Variants in KCNU1 observed in about 807,000 individuals in gnomAD.
KCNU1 encodes the protein potassium channel subfamily U member 1.
KCNU1 carries 93 observed loss-of-function variants against 126.8 expected under a neutral mutation model. That is an observed-to-expected ratio of 0.73 (90% CI 0.62 to 0.87). KCNU1 has a LOEUF of 0.87. Among genes scored for constraint, KCNU1 ranks in the 40% least tolerant of loss-of-function variants. The probability of loss-of-function intolerance (pLI) is 0.00; values close to 1 mark genes in which losing one functional copy is unlikely to be tolerated. For synonymous variants in KCNU1, 523 were observed against 494.2 expected, an observed-to-expected ratio of 1.06 and a Z score of -0.77; for missense variants, 1,330 against 1,367.1, an observed-to-expected ratio of 0.97 and a Z score of 0.43.
rs566542872 is a variant in KCNU1, at chr8:36,844,639, G to A, written c.1704-941G>A. 1.3e-3 allele frequency among the ~76,000 whole-genome samples: 197 copies of A among 152,324 alleles called. 1 individual carries two copies. Among genetic ancestry groups the A allele is most frequent in the Non-Finnish European group, 1.6e-3 (111 of 68,028 alleles). On this transcript the variant is annotated intron_variant, in intron 16 of 26. Coordinates refer to ENST00000399881, the MANE Select transcript of KCNU1 (RefSeq NM_001031836.3). ...AGGCTGAAGAACTTTGGCTGTGCAA[G>A]CTCATTTATTTTTGTGAGGGTTCTC...
rs1347997226 is a variant in KCNU1 at position 36,845,907 on chromosome 8, C to CACTT, written c.1891+9_1891+12dup. ...GCCGGCAGCACATCACAGGTAATTG[C>CACTT]ACTTTATTTCTGGCTGTCCTTAGCC... On this transcript the variant is annotated intron_variant, in intron 18 of 26. Coordinates refer to ENST00000399881, the MANE Select transcript of KCNU1 (RefSeq NM_001031836.3). 6.5e-7 allele frequency: 1 copy of CACTT among 1,545,808 alleles called. No homozygotes were observed. Among genetic ancestry groups the CACTT allele is most frequent in the African/African-American group, 1.4e-5 (1 of 73,602 alleles).
intron 22 of KCNU1, among the ~76,000 whole-genome samples, chr8:36,913,749 C>A (rs994203840): frequency 2.0e-5 from 3 of 151,886 alleles, no homozygotes; most frequent in African/African-American, 7.3e-5. Context: ...CTACAGGCAC[C>A]CGCCACCATG....
At chr8:36,867,367 C>G (rs1446050716) in intron 19 of KCNU1, among the ~76,000 whole-genome samples, 2 of 152,086 alleles carry the variant, frequency 1.3e-5, no homozygotes, top group Non-Finnish European at 2.9e-5. Flanking sequence ...CAGCAGCTAG[C>G]CAGCCTGACG....
intron 19 of KCNU1, among the ~76,000 whole-genome samples, chr8:36,876,386 A>T (rs910265645): frequency 1.3e-5 from 2 of 152,138 alleles, no homozygotes; most frequent in Admixed American, 1.3e-4. Context: ...AAAGTCAAAG[A>T]GCTATGTCAG....
chr8:36,904,555 G>A (rs531869049), intron 19 of KCNU1, among the ~76,000 whole-genome samples: 420 of 152,284 alleles, frequency 2.8e-3, no homozygotes, highest in African/African-American at 9.8e-3. Flanking sequence ...GCTTCTGGCA[G>A]AGACAGAAAT....
chr8:36,910,839 A>C (rs1284190521), intron 21 of KCNU1, 91 bp from the exon 22 acceptor site: 2 of 881,166 alleles, frequency 2.3e-6, no homozygotes, highest in East Asian at 5.1e-5. Flanking sequence ...AAGCTCAAAA[A>C]TTACATCACT....
intron 14 of KCNU1, among the ~76,000 whole-genome samples, chr8:36,839,725 G>A (rs1243238069): frequency 1.3e-5 from 2 of 152,182 alleles, no homozygotes; most frequent in African/African-American, 4.8e-5. Context: ...TTTCATCTGA[G>A]ATTCTCGGTT....
chr8:36,814,429 T>C (rs1402536649), intron 8 of KCNU1, 52 bp downstream of exon 8: 4 of 1,310,392 alleles, frequency 3.1e-6, no homozygotes, highest in Non-Finnish European at 4.3e-6. Context: ...ACCAGAAATA[T>C]TTGGTTAATG....
At chr8:36,864,616 C>G (rs1369596798) in intron 19 of KCNU1, 95 bp downstream of exon 19, 6 of 747,992 alleles carry the variant, frequency 8.0e-6, no homozygotes, top group Non-Finnish European at 1.4e-5. Context: ...GCTTTATAAA[C>G]TCCTATACTG....
intron 2 of KCNU1, among the ~76,000 whole-genome samples, chr8:36,793,059 A>G (rs966683344): frequency 1.1e-4 from 17 of 152,206 alleles, no homozygotes; most frequent in African/African-American, 3.6e-4. Context: ...TTGTAGGGAC[A>G]TGGATGAAGC....
chr8:36,901,674 A>G (rs1193556202), intron 19 of KCNU1, among the ~76,000 whole-genome samples: 1 of 152,150 alleles, frequency 6.6e-6, no homozygotes, highest in East Asian at 1.9e-4. Context: ...CCCTGAGAAC[A>G]TTTCAAGGTT....
chr8:36,860,056 T>A (rs1805673484), intron 18 of KCNU1, among the ~76,000 whole-genome samples: 1 of 148,944 alleles, frequency 6.7e-6, no homozygotes, highest in African/African-American at 2.5e-5. Flanking sequence ...CCTAGTAGAT[T>A]ATACTTATTT....
chr8:36,897,606 A>G (rs895232869), intron 19 of KCNU1, among the ~76,000 whole-genome samples: 6 of 151,878 alleles, frequency 4.0e-5, no homozygotes, highest in Non-Finnish European at 7.4e-5. Context: ...ACCCCTTTTC[A>G]TTTTCATTCA....
At chr8:36,893,887 G>C (rs1299491244) in intron 19 of KCNU1, among the ~76,000 whole-genome samples, 1 of 152,016 alleles carries the variant, frequency 6.6e-6, no homozygotes, top group Non-Finnish European at 1.5e-5. Flanking sequence ...ACTTTTTATA[G>C]TTATTTTTCA....
At chr8:36,914,035 C>T (rs1807998175) in intron 22 of KCNU1, among the ~76,000 whole-genome samples, 1 of 152,314 alleles carries the variant, frequency 6.6e-6, no homozygotes, top group East Asian at 1.9e-4. Context: ...AATTCCCAAT[C>T]TTCACAGAAG....
At chr8:36,836,152 T>A (rs1804739169) in intron 12 of KCNU1, 144 bp from the exon 13 acceptor site, 1 of 556,552 alleles carries the variant, frequency 1.8e-6, no homozygotes, top group Non-Finnish European at 3.2e-6. Context: ...AAAACATTTT[T>A]AGAAAACAAC....
intron 7 of KCNU1, 148 bp downstream of exon 7, chr8:36,808,941 T>C: frequency 1.6e-6 from 1 of 614,778 alleles, no homozygotes; most frequent in Non-Finnish European, 2.9e-6. Flanking sequence ...CAGGTTTTCT[T>C]TACCCTCATA....
At chr8:36,870,756 C>G (rs1806072275) in intron 19 of KCNU1, among the ~76,000 whole-genome samples, 1 of 152,140 alleles carries the variant, frequency 6.6e-6, no homozygotes, top group Non-Finnish European at 1.5e-5. Flanking sequence ...TAGCCCATAA[C>G]TAGTAAATCA....
At chr8:36,879,211 G>GTGTGTATATATA (rs541223094) in intron 19 of KCNU1, among the ~76,000 whole-genome samples, 1 of 101,754 alleles carries the variant, frequency 9.8e-6, no homozygotes, top group Admixed American at 1.2e-4. Context: ...GTGTGTGTGT[G>GTGTGTATATATA]TATATATATA....
Sources: allele counts gnomAD v4.1 joint callset (sites outside exome capture counted in the v4.1 genomes callset), GRCh38; gene constraint gnomAD v4.1.1; transcripts MANE v1.5; gene names NCBI Gene and HGNC (gene_info 2026-07-23, HGNC 2026-07-21).